The following RTL4 variants were observed in gnomAD, a reference collection of about 807,000 sequenced individuals.
The protein encoded by RTL4 is retrotransposon Gag like 4, also known as retrotransposon Gag-like protein 4.
A neutral mutation model predicts 5.3 loss-of-function variants in RTL4; 4 were observed. The ratio of observed to expected loss-of-function variants is 0.75; its 90% CI spans 0.37 to 1.72. RTL4 has a LOEUF of 1.72. RTL4 is among the 40% of genes most tolerant of loss of function. RTL4 has a pLI of 0.04. For missense variants in RTL4, 260 were observed against 227.1 expected (o/e 1.14, Z -0.93); for synonymous variants, 98 against 87.3 (o/e 1.12, Z -0.68).
At chrX:112,283,782 C>T in the RTL4 span, among the ~76,000 whole-genome samples, 1 of 110,517 alleles carries the variant, frequency 9.0e-6, no homozygotes, top group Non-Finnish European at 1.9e-5. Context: ...AGCTTTTGTC[C>T]TGGCACCCAG....
the RTL4 span, among the ~76,000 whole-genome samples, chrX:112,167,762 A>C: frequency 9.3e-6 from 1 of 108,040 alleles, no homozygotes; most frequent in African/African-American, 3.4e-5. Flanking sequence ...GTAGTATGTA[A>C]TTTTGTTGTG....
chrX:112,404,676 T>C, the RTL4 span, among the ~76,000 whole-genome samples: 1 of 112,720 alleles, frequency 8.9e-6, no homozygotes, highest in Non-Finnish European at 1.9e-5. Flanking sequence ...AAAGGGACCA[T>C]GAAGAAATAT....
the RTL4 span, among the ~76,000 whole-genome samples, chrX:112,337,500 C>T: frequency 1.8e-5 from 2 of 111,226 alleles, no homozygotes; most frequent in Non-Finnish European, 3.8e-5. Context: ...CCAGTCTGGT[C>T]TGGAACTCCA....
the RTL4 span, among the ~76,000 whole-genome samples, chrX:112,329,533 A>T: frequency 9.0e-6 from 1 of 110,738 alleles, no homozygotes; most frequent in East Asian, 2.8e-4. Flanking sequence ...TACCAACCAA[A>T]ATGAGTCCAG....
At chrX:112,402,400 T>TTGTGTG in the RTL4 span, among the ~76,000 whole-genome samples, 1,028 of 87,392 alleles carry the variant, frequency 0.012, 8 homozygotes, top group Middle Eastern at 0.029. Flanking sequence ...GGAATTATTA[T>TTGTGTG]TGTGTGTGTG....
At chrX:112,259,145 C>G in the RTL4 span, among the ~76,000 whole-genome samples, 1 of 111,053 alleles carries the variant, frequency 9.0e-6, no homozygotes, top group Non-Finnish European at 1.9e-5. Flanking sequence ...TCGAAAAAGT[C>G]CTGTTGGCAT....
the RTL4 span, among the ~76,000 whole-genome samples, chrX:112,107,707 T>C: frequency 1.8e-5 from 2 of 111,982 alleles, no homozygotes; most frequent in African/African-American, 6.5e-5. Flanking sequence ...TTATGTTGTT[T>C]ACTTCTTTTC....
At chrX:112,401,019 C>T in the RTL4 span, among the ~76,000 whole-genome samples, 15 of 111,871 alleles carry the variant, frequency 1.3e-4, no homozygotes, top group South Asian at 5.6e-3. Flanking sequence ...TAATAGGGCT[C>T]CCCTTGTTTT....
the RTL4 span, among the ~76,000 whole-genome samples, chrX:112,226,971 T>A: frequency 1.5e-4 from 11 of 74,918 alleles, no homozygotes; most frequent in Admixed American, 5.3e-4. Context: ...TAAAATAAAA[T>A]AATAAAATAA....
At chrX:112,308,395 C>A in the RTL4 span, among the ~76,000 whole-genome samples, 2 of 111,451 alleles carry the variant, frequency 1.8e-5, no homozygotes, top group African/African-American at 6.5e-5. Flanking sequence ...ACATGGCTAA[C>A]AATATTTAGA....
the RTL4 span, among the ~76,000 whole-genome samples, chrX:112,134,423 C>T: frequency 4.5e-5 from 5 of 112,282 alleles, no homozygotes; most frequent in East Asian, 1.4e-3. Flanking sequence ...ATGCAAATTG[C>T]AGAAACGGAC....
the RTL4 span, among the ~76,000 whole-genome samples, chrX:112,130,355 A>C: frequency 2.7e-4 from 29 of 108,110 alleles, no homozygotes; most frequent in South Asian, 0.011. Flanking sequence ...AGTTTTTGCC[A>C]GCATCCATGC....
At chrX:112,454,456 G>C (rs1926795916), upstream of RTL4, 1 of 274,942 alleles carries the variant, frequency 3.6e-6, no homozygotes, top group Non-Finnish European at 6.3e-6. Context: ...TTAATCCCAA[G>C]TCCTTTATGT....
At chrX:112,346,913 T>C in the RTL4 span, among the ~76,000 whole-genome samples, 1 of 111,751 alleles carries the variant, frequency 8.9e-6, no homozygotes, top group African/African-American at 3.2e-5. Flanking sequence ...CTGGAAAATA[T>C]TGAGGTTCCA....
the RTL4 span, among the ~76,000 whole-genome samples, chrX:112,278,181 G>T: frequency 5.3e-5 from 6 of 112,296 alleles, no homozygotes; most frequent in Non-Finnish European, 9.4e-5. Flanking sequence ...TTCACCAGTT[G>T]CATATGTAAC....
the RTL4 span, among the ~76,000 whole-genome samples, chrX:112,185,506 C>T: frequency 2.3e-3 from 241 of 106,714 alleles, no homozygotes; most frequent in African/African-American, 8.0e-3. Flanking sequence ...GCTGTGCTCT[C>T]GTAGAATTGT....
At chrX:112,334,121 A>G in the RTL4 span, among the ~76,000 whole-genome samples, 913 of 111,644 alleles carry the variant, frequency 8.2e-3, 4 homozygotes, top group Non-Finnish European at 0.014. Flanking sequence ...TGTTGTTGCA[A>G]GTGACAAGAT....
the RTL4 span, among the ~76,000 whole-genome samples, chrX:112,190,334 G>A: frequency 9.2e-6 from 1 of 108,591 alleles, no homozygotes; most frequent in African/African-American, 3.4e-5. Flanking sequence ...ATCTCTTTCT[G>A]GTTTGGGCCA....
the RTL4 span, among the ~76,000 whole-genome samples, chrX:112,096,677 A>C: frequency 2.7e-5 from 3 of 111,854 alleles, no homozygotes; most frequent in African/African-American, 9.7e-5. Flanking sequence ...TTGGGAAATC[A>C]CAAATCACAA....
Sources: allele counts gnomAD v4.1 joint callset (sites outside exome capture counted in the v4.1 genomes callset), GRCh38; gene constraint gnomAD v4.1.1; transcripts MANE v1.5; gene names NCBI Gene and HGNC (gene_info 2026-07-23, HGNC 2026-07-21).